Variants in USO1 observed in about 807,000 individuals in gnomAD.
USO1 encodes the protein general vesicular transport factor p115.
USO1 carries 57 observed loss-of-function variants against 124.5 expected under a neutral mutation model. The ratio of observed to expected loss-of-function variants is 0.46; its 90% CI spans 0.37 to 0.57. USO1 has a LOEUF of 0.57. USO1 is among the 20% of genes least tolerant of loss of function. The pLI is 0.00. For synonymous variants in USO1, 369 were observed against 362.8 expected (o/e 1.02, Z -0.19); for missense variants, 900 against 1,040.6 (o/e 0.86, Z 1.86).
At position 75,793,730 on chromosome 4, in the gene USO1, A is replaced by T. The variant is rs370972558; in HGVS notation, c.1281A>T (p.Gly427=). 3 of 1,612,708 alleles carry T rather than the reference A, an allele frequency of 1.9e-6. No individual in the cohort carries two copies. Among genetic ancestry groups the T allele is most frequent in the African/African-American group, 2.7e-5 (2 of 75,024 alleles). The change falls in exon 13 of 24, where the codon GGA becomes GGT. Residue 427 remains glycine (G), a synonymous_variant. Coordinates refer to ENST00000514213, the MANE Select transcript of USO1 (RefSeq NM_003715.4). ...NSVSAGQLLC[G]GLFSTDSLSN... is the part of the protein sequence containing the mutation. ...TTTCAGCTGGCCAGTTATTATGTGG[A>T]GGTTTGTTTTCTACTGATTCACTTT...
intron 1 of USO1, among the ~76,000 whole-genome samples, chr4:75,742,289 C>A (rs1438137686): frequency 1.3e-5 from 2 of 152,148 alleles, no homozygotes. Context: ...CCAGCATCAC[C>A]ACAAACACAT....
chr4:75,787,388 C>T (rs1342967739), intron 10 of USO1, among the ~76,000 whole-genome samples, 186 bp downstream of exon 10: 2 of 152,072 alleles, frequency 1.3e-5, no homozygotes, highest in Non-Finnish European at 1.5e-5. Context: ...TATACTCATC[C>T]CTCAAGTTTT....
At chr4:75,758,489 A>C (rs1721505026) in intron 4 of USO1, among the ~76,000 whole-genome samples, 1 of 152,226 alleles carries the variant, frequency 6.6e-6, no homozygotes, top group African/African-American at 2.4e-5. Flanking sequence ...GCAGGAATAT[A>C]TGTCAATATT....
chr4:75,770,190 G>A (rs563342035), intron 4 of USO1: 3 of 237,274 alleles, frequency 1.3e-5, no homozygotes, highest in South Asian at 9.9e-5. Context: ...GAGAAAATAT[G>A]AGTATTTAAG....
At chr4:75,736,358 C>G (rs1377836983) in intron 1 of USO1, among the ~76,000 whole-genome samples, 1 of 130,360 alleles carries the variant, frequency 7.7e-6, no homozygotes, top group East Asian at 2.5e-4. Context: ...CATTCTGTCA[C>G]CCAGGCTGGC....
In USO1 at chr4:75,778,980, A is replaced by T. The variant is rs369327119; in HGVS notation, c.677-3700A>T. Reference sequence around the variant, plus strand: ...CTGTTGACTCCATTTATCCAACAGCACGCCCTCACTTCATGTCTCTGTCAC... The same window carrying T: ...CTGTTGACTCCATTTATCCAACAGCTCGCCCTCACTTCATGTCTCTGTCAC... On this transcript the variant is annotated intron_variant, in intron 8 of 23. Coordinates refer to ENST00000514213, the MANE Select transcript of USO1 (RefSeq NM_003715.4). Among the ~76,000 whole-genome samples, 10 of 152,254 alleles carry T rather than the reference A, an allele frequency of 6.6e-5. No individual in the cohort carries two copies. In the East Asian group the frequency reaches 1.9e-3, roughly 29 times the overall value.
intron 1 of USO1, among the ~76,000 whole-genome samples, chr4:75,738,312 C>G (rs941047403): frequency 9.2e-5 from 14 of 151,900 alleles, no homozygotes; most frequent in Middle Eastern, 3.4e-3. Flanking sequence ...TAAAAATTAG[C>G]TGGGCATGGT....
rs919824778 is a variant in USO1, at chr4:75,790,049, A to T, written c.997-101A>T. 683 of 1,061,814 alleles carry T rather than the reference A, an allele frequency of 6.4e-4. 2 individuals carry two copies. The African/African-American group carries it at 0.01, about 16-fold the overall frequency. The allele number at this position is 1,061,814 out of a possible 1,614,324, so 65.8% of individuals were successfully genotyped here. On this transcript the variant is annotated intron_variant, in intron 10 of 23. Transcript: ENST00000514213. ...GTACCCTAAAACTTAAAGTATAATAAAAAAAAAAACAAAAAAAAAAGATTT... is the reference window on the plus strand; with the variant it reads ...GTACCCTAAAACTTAAAGTATAATATAAAAAAAAACAAAAAAAAAAGATTT...
intron 4 of USO1, among the ~76,000 whole-genome samples, chr4:75,757,821 C>T (rs1330295850): frequency 2.6e-5 from 4 of 151,580 alleles, no homozygotes; most frequent in South Asian, 2.1e-4. Context: ...TATTTTTGCC[C>T]GCTTGTGTTT....
intron 8 of USO1, among the ~76,000 whole-genome samples, chr4:75,778,127 A>G (rs1722120344): frequency 6.6e-6 from 1 of 152,180 alleles, no homozygotes; most frequent in South Asian, 2.1e-4. Context: ...TGACCTTTGA[A>G]TAACTTAGGA....
chr4:75,751,371 C>A (rs1223562112), intron 1 of USO1, among the ~76,000 whole-genome samples: 1 of 149,876 alleles, frequency 6.7e-6, no homozygotes, highest in Non-Finnish European at 1.5e-5. Flanking sequence ...GCCACCATGC[C>A]CGGCTAATTT....
At chr4:75,795,281 T>C in intron 13 of USO1, 1 of 698,402 alleles carries the variant, frequency 1.4e-6, no homozygotes, top group Non-Finnish European at 2.6e-6. Flanking sequence ...TTTCCAGATT[T>C]AGACTTTTCT....
chr4:75,770,492 T>C lies in USO1; in HGVS notation c.349T>C (p.Phe117Leu). 1.3e-6 allele frequency: 2 copies of C among 1,597,194 alleles called. No individual in the cohort carries two copies. Among genetic ancestry groups the C allele is most frequent in the Non-Finnish European group, 1.7e-6 (2 of 1,170,980 alleles). Reference sequence around the variant, plus strand: ...TTTGGGAAGCCAATTTACAGAAATTTTCATTAAGCAGCAGGAAAATGTCAC... The same window carrying C: ...TTTGGGAAGCCAATTTACAGAAATTCTCATTAAGCAGCAGGAAAATGTCAC... ...EDLGSQFTEIFIKQQENVTLL... is the reference protein window; with the variant it reads ...EDLGSQFTEILIKQQENVTLL... The change falls in exon 5 of 24, where the codon TTC becomes CTC. Residue 117 changes from phenylalanine (F) to leucine (L), a missense_variant. By Grantham distance (22) the Phe-to-Leu change is conservative. This residue lies in a region of USO1 where 538 missense variants were observed against 681.6 expected (regional missense o/e 0.79). Transcript: ENST00000514213.
In USO1 at chr4:75,801,172, C is replaced by A; in HGVS notation, c.1958C>A (p.Thr653Asn). 1 of 1,609,086 alleles carries A rather than the reference C, an allele frequency of 6.2e-7. No individual in the cohort carries two copies. Among genetic ancestry groups the A allele is most frequent in the Non-Finnish European group, 8.5e-7 (1 of 1,178,188 alleles). ...KTLEQHDNIV[T>N]HYKNMIREQD... is the part of the protein sequence containing the mutation. ...TTAGAACAGCATGACAATATTGTGACTCACTACAAAAATATGATTCGAGAG... is the reference window on the plus strand; with the variant it reads ...TTAGAACAGCATGACAATATTGTGAATCACTACAAAAATATGATTCGAGAG... The change falls in exon 17 of 24, where the codon ACT becomes AAT. Residue 653 changes from threonine (T) to asparagine (N), a missense_variant. Thr to Asn is a moderately conservative substitution (Grantham distance 65). Coordinates refer to ENST00000514213, the MANE Select transcript of USO1 (RefSeq NM_003715.4).
At chr4:75,761,932 C>T (rs1721619068) in intron 4 of USO1, among the ~76,000 whole-genome samples, 1 of 152,086 alleles carries the variant, frequency 6.6e-6, no homozygotes, top group Non-Finnish European at 1.5e-5. Flanking sequence ...GAGCATTGTG[C>T]CTTGACTCTT....
chr4:75,751,786 C>T (rs1201880238), intron 1 of USO1, among the ~76,000 whole-genome samples: 5 of 151,482 alleles, frequency 3.3e-5, no homozygotes, highest in Admixed American at 1.3e-4. Context: ...GAGCCGAGAT[C>T]GCATTGTCGC....
chr4:75,795,275 C>T (rs1242951770), intron 13 of USO1: 1 of 693,968 alleles, frequency 1.4e-6, no homozygotes, highest in African/African-American at 1.8e-5. Flanking sequence ...GGGATTTTTC[C>T]AGATTTAGAC....
At chr4:75,802,961 A>G (rs1251629150) in intron 17 of USO1, among the ~76,000 whole-genome samples, 1 of 150,506 alleles carries the variant, frequency 6.6e-6, no homozygotes, top group Non-Finnish European at 1.5e-5. Flanking sequence ...GCACATGCCT[A>G]TAATCCCAGC....
At chr4:75,745,234 T>A in intron 1 of USO1, 1 of 431,522 alleles carries the variant, frequency 2.3e-6, no homozygotes, top group Non-Finnish European at 4.5e-6. Flanking sequence ...ATAGTACTGA[T>A]ATTTTTCAGT....
Sources: allele counts gnomAD v4.1 joint callset (sites outside exome capture counted in the v4.1 genomes callset), GRCh38; gene constraint gnomAD v4.1.1; regional missense constraint gnomAD v4.1.1; transcripts MANE v1.5; gene names NCBI Gene and HGNC (gene_info 2026-07-23, HGNC 2026-07-21).